RBFOX1: variants seen among roughly 807,000 people sequenced by gnomAD.
RBFOX1 encodes RNA binding fox-1 homolog 1.
Under a neutral mutation model 57.7 loss-of-function variants are expected in RBFOX1, and 8 were observed. That is an observed-to-expected ratio of 0.14 (90% CI 0.08 to 0.25). The LOEUF is 0.25. RBFOX1 is among the 10% of genes least tolerant of loss of function. RBFOX1 has a pLI of 1.00. For synonymous variants in RBFOX1, 326 were observed against 222.4 expected (o/e 1.47, Z -4.15); for missense variants, 611 against 548.5 (o/e 1.11, Z -1.14).
chr16:5,259,349 C>T (rs1488777299), intron 1 of RBFOX1, among the ~76,000 whole-genome samples: 1 of 152,202 alleles, frequency 6.6e-6, no homozygotes, highest in African/African-American at 2.4e-5. Context: ...TTTGCAAAAG[C>T]TCCCAGCTGA....
At chr16:6,718,949 A>C (rs771051937) in intron 3 of RBFOX1, among the ~76,000 whole-genome samples, 5 of 151,768 alleles carry the variant, frequency 3.3e-5, no homozygotes, top group African/African-American at 1.2e-4. Context: ...TGCAGCTTCA[A>C]CCTCCGGGGC....
chr16:7,643,538 T>C (rs552067860), intron 11 of RBFOX1, among the ~76,000 whole-genome samples: 2 of 152,328 alleles, frequency 1.3e-5, no homozygotes, highest in Non-Finnish European at 2.9e-5. Context: ...CTGAATTTAG[T>C]TGTAAGGAGC....
chr16:6,692,598 T>C (rs973433705), intron 3 of RBFOX1, among the ~76,000 whole-genome samples: 5 of 151,920 alleles, frequency 3.3e-5, no homozygotes, highest in Admixed American at 3.3e-4. Flanking sequence ...AAATTTTTGT[T>C]GTCCTCCTTC....
chr16:6,519,989 G>T (rs1297182330), intron 2 of RBFOX1, among the ~76,000 whole-genome samples: 1 of 152,182 alleles, frequency 6.6e-6, no homozygotes, highest in African/African-American at 2.4e-5. Context: ...CTATCAGTCT[G>T]TCTTCCTTCC....
intron 2 of RBFOX1, among the ~76,000 whole-genome samples, chr16:6,554,194 A>C (rs1395171261): frequency 2.0e-5 from 3 of 152,208 alleles, no homozygotes; most frequent in African/African-American, 7.2e-5. Flanking sequence ...GGGGTTTAAG[A>C]AATAACATCC....
intron 1 of RBFOX1, among the ~76,000 whole-genome samples, chr16:6,070,441 T>A (rs2095822076): frequency 6.6e-6 from 1 of 152,214 alleles, no homozygotes; most frequent in Non-Finnish European, 1.5e-5. Context: ...TGGGTATTTA[T>A]AAAGATAAGC....
At chr16:7,602,032 A>G (rs904580739) in intron 9 of RBFOX1, among the ~76,000 whole-genome samples, 10 of 152,148 alleles carry the variant, frequency 6.6e-5, no homozygotes, top group African/African-American at 2.4e-4. Context: ...ATTGACAGGC[A>G]GTTTTTGTAA....
intron 1 of RBFOX1, among the ~76,000 whole-genome samples, chr16:5,306,574 C>G (rs1214253245): frequency 6.6e-6 from 1 of 152,148 alleles, no homozygotes; most frequent in Non-Finnish European, 1.5e-5. Context: ...TCCCAGATTG[C>G]TGGGATTACG....
At chr16:5,337,234 G>C (rs534454227) in intron 1 of RBFOX1, among the ~76,000 whole-genome samples, 2 of 152,312 alleles carry the variant, frequency 1.3e-5, no homozygotes, top group South Asian at 4.2e-4. Flanking sequence ...GAGAAACTCT[G>C]CTTTTATCAT....
At chr16:6,349,067 A>G (rs1481393576) in intron 2 of RBFOX1, among the ~76,000 whole-genome samples, 1 of 152,172 alleles carries the variant, frequency 6.6e-6, no homozygotes. Context: ...ACTGTTGGCT[A>G]GGCGAGCTGA....
chr16:6,509,843 T>A (rs1306476791), intron 2 of RBFOX1, among the ~76,000 whole-genome samples: 2 of 152,090 alleles, frequency 1.3e-5, no homozygotes, highest in Admixed American at 1.3e-4. Flanking sequence ...ATGAAAAATA[T>A]AAAATTTTCA....
At chr16:5,815,261 T>C (rs2055591896) in intron 3 of RBFOX1, among the ~76,000 whole-genome samples, 1 of 150,240 alleles carries the variant, frequency 6.7e-6, no homozygotes, top group South Asian at 2.1e-4. Context: ...CCCAAAGTGC[T>C]GGGATTACAG....
At chr16:5,756,568 G>T (rs1041723578) in intron 3 of RBFOX1, among the ~76,000 whole-genome samples, 2 of 152,146 alleles carry the variant, frequency 1.3e-5, no homozygotes, top group African/African-American at 2.4e-5. Context: ...AATGAATAAA[G>T]ACCCATTCCT....
intron 3 of RBFOX1, among the ~76,000 whole-genome samples, chr16:7,051,391 A>G (rs2050023566): frequency 6.6e-6 from 1 of 152,244 alleles, no homozygotes; most frequent in Non-Finnish European, 1.5e-5. Context: ...CTTGGACATT[A>G]AGTAAAACAT....
intron 1 of RBFOX1, among the ~76,000 whole-genome samples, chr16:6,256,245 A>G (rs71386428): frequency 0.78 from 60,913 of 78,230 alleles, 25,901 homozygotes; most frequent in East Asian, 0.89. Flanking sequence ...GTATATATAT[A>G]TGTATATATA....
intron 1 of RBFOX1, among the ~76,000 whole-genome samples, chr16:6,312,147 G>C (rs528787783): frequency 6.6e-6 from 1 of 152,310 alleles, no homozygotes; most frequent in East Asian, 1.9e-4. Context: ...TTGTTTGCTA[G>C]CAACAGAAAT....
In RBFOX1 at chr16:6,210,756, A is replaced by AG. The variant is rs1376720966; in HGVS notation, c.-126-106239_-126-106238insG. Among the ~76,000 whole-genome samples the AG allele has an allele frequency of 4.5e-4, 68 of 152,240 alleles. No homozygotes were observed. In the South Asian group the frequency reaches 6.4e-3, roughly 14 times the overall value. The stretch of plus-strand genomic sequence containing the variant: ...AAAAAAGAAAAGAAAAGAAAAGAAA[A>AG]AAATTAAAAAAGGAATCTTATGAAG... On this transcript the variant is annotated intron_variant, in intron 1 of 15. Coordinates refer to ENST00000550418, the MANE Select transcript of RBFOX1 (RefSeq NM_018723.4).
chr16:5,626,777 A>T (rs916371947), intron 3 of RBFOX1, among the ~76,000 whole-genome samples: 8 of 148,842 alleles, frequency 5.4e-5, no homozygotes, highest in East Asian at 2.0e-4. Context: ...CCAGGGTTTT[A>T]AAAAAAAAAG....
chr16:6,942,356 C>T (rs1273607451), intron 3 of RBFOX1, among the ~76,000 whole-genome samples: 1 of 152,038 alleles, frequency 6.6e-6, no homozygotes, highest in Non-Finnish European at 1.5e-5. Context: ...TTTTTTGTGA[C>T]ATTTTGTTGC....
Sources: allele counts gnomAD v4.1 joint callset (sites outside exome capture counted in the v4.1 genomes callset), GRCh38; gene constraint gnomAD v4.1.1; transcripts MANE v1.5; gene names NCBI Gene and HGNC (gene_info 2026-07-23, HGNC 2026-07-21).